The following VAMP7 variants were observed in gnomAD, a reference collection of about 807,000 sequenced individuals.
VAMP7 encodes the protein vesicle associated membrane protein 7, also known as vesicle-associated membrane protein 7.
A neutral mutation model predicts 29.6 loss-of-function variants in VAMP7; 14 were observed. That is an observed-to-expected ratio of 0.47 (90% CI 0.31 to 0.74). The LOEUF (loss-of-function observed/expected upper bound fraction) is 0.74, where lower values mean the gene tolerates loss of function less well. VAMP7 is among the 30% of genes least tolerant of loss of function. The pLI, the probability that VAMP7 is intolerant of heterozygous loss-of-function variation, is 0.05. For missense variants in VAMP7, 223 were observed against 262.4 expected (o/e 0.85, Z 1.04); for synonymous variants, 95 against 88.1 (o/e 1.08, Z -0.44).
chrX:155,895,802 GT>G, intron 3 of VAMP7, 122 bp downstream of exon 3: 2 of 702,368 alleles, frequency 2.8e-6, no homozygotes, highest in Non-Finnish European at 4.9e-6. Flanking sequence ...TCTGTGGCTT[GT>G]TAGGAACCAG....
rs568794541 is a variant in VAMP7 at position 155,936,674 on chromosome X, C to T, written c.502-3027C>T. ...GGTGAGGCGATGTCTCGCCCTGCTT[C>T]GGCTCACGCTCGGTGGGCTGCACCC... On this transcript the variant is annotated intron_variant, in intron 6 of 7. Coordinates refer to ENST00000286448, the MANE Select transcript of VAMP7 (RefSeq NM_005638.6). Among the ~76,000 whole-genome samples the T allele has an allele frequency of 4.5e-4, 69 of 152,292 alleles. 1 individual carries two copies. The highest frequency in any genetic ancestry group is 1.6e-3 in the African/African-American group (67 of 41,590).
chrX:155,933,340 T>C (rs1830043943), intron 6 of VAMP7, among the ~76,000 whole-genome samples: 1 of 152,304 alleles, frequency 6.6e-6, no homozygotes, highest in South Asian at 2.1e-4. Flanking sequence ...TCCTGGACTT[T>C]TTTTGGTTGG....
chrX:155,931,747 A>G (rs986305734), intron 6 of VAMP7, among the ~76,000 whole-genome samples: 2 of 152,044 alleles, frequency 1.3e-5, no homozygotes, highest in East Asian at 3.9e-4. Context: ...TTTTGTTTCC[A>G]TTGTTTTTGG....
At chrX:155,922,467 T>C (rs2066410288) in intron 6 of VAMP7, among the ~76,000 whole-genome samples, 1 of 152,084 alleles carries the variant, frequency 6.6e-6, no homozygotes. Context: ...TTTTTCTCCA[T>C]TTATTGAGAT....
intron 5 of VAMP7, among the ~76,000 whole-genome samples, chrX:155,907,899 G>A (rs1417977895): frequency 6.6e-5 from 10 of 152,160 alleles, no homozygotes; most frequent in Non-Finnish European, 1.0e-4. Context: ...GCCGGGCAGC[G>A]ACGCTCCTCA....
At chrX:155,907,430 G>A (rs894627219) in intron 5 of VAMP7, among the ~76,000 whole-genome samples, 9 of 151,966 alleles carry the variant, frequency 5.9e-5, no homozygotes, top group African/African-American at 2.2e-4. Context: ...GCCTTCCACA[G>A]TGTTTGTGTC....
At chrX:155,882,668 TCTTA>T (rs2065817539) in intron 1 of VAMP7, among the ~76,000 whole-genome samples, 3 of 152,216 alleles carry the variant, frequency 2.0e-5, no homozygotes, top group Non-Finnish European at 4.4e-5. Flanking sequence ...AACTGCTTTA[TCTTA>T]CTTAGAAAGA....
At chrX:155,920,556 T>G (rs1026995505) in intron 6 of VAMP7, among the ~76,000 whole-genome samples, 6 of 152,132 alleles carry the variant, frequency 3.9e-5, no homozygotes, top group Admixed American at 3.3e-4. Context: ...AAACAGTGAT[T>G]GATTATGTTC....
At chrX:155,934,546 TTGCTTGGTAGATCTTCC>T (rs1407098362) in intron 6 of VAMP7, among the ~76,000 whole-genome samples, 2 of 152,202 alleles carry the variant, frequency 1.3e-5, no homozygotes, top group Non-Finnish European at 2.9e-5. Flanking sequence ...TGTTTTCCAT[TTGCTTGGTAGATCTTCC>T]TGCATCCCTT....
chrX:155,883,222 A>G (rs909725084), intron 1 of VAMP7, among the ~76,000 whole-genome samples: 6 of 152,202 alleles, frequency 3.9e-5, no homozygotes, highest in Admixed American at 2.6e-4. Context: ...GATTTATACA[A>G]GGCCTTCTTT....
chrX:155,928,528 C>T (rs2066503106), intron 6 of VAMP7, among the ~76,000 whole-genome samples: 1 of 152,144 alleles, frequency 6.6e-6, no homozygotes, highest in Admixed American at 6.5e-5. Flanking sequence ...TAGTCTCTGC[C>T]TCCATGTTCA....
Position 155,894,895 on chromosome X carries a change from C to T in VAMP7, c.147-728C>T, listed in dbSNP as rs1001717343. 2.6e-5 allele frequency among the ~76,000 whole-genome samples: 4 copies of T among 152,116 alleles called. No homozygotes were observed. In the South Asian group the frequency reaches 8.3e-4, roughly 32 times the overall value. On this transcript the variant is annotated intron_variant, in intron 2 of 7. Transcript: ENST00000286448. ...CCTCCCAAAGTGCTAGGATTACAGG[C>T]ATGAGCCAGCCACCACGCCTGGCCT...
At chrX:155,909,810 T>C (rs1569442266) in intron 5 of VAMP7, among the ~76,000 whole-genome samples, 1 of 152,176 alleles carries the variant, frequency 6.6e-6, no homozygotes, top group Non-Finnish European at 1.5e-5. Context: ...TAGTGTCTTT[T>C]ATTTAATTGA....
At chrX:155,894,046 T>C (rs188104723) in intron 2 of VAMP7, among the ~76,000 whole-genome samples, 1 of 152,316 alleles carries the variant, frequency 6.6e-6, no homozygotes, top group East Asian at 1.9e-4. Flanking sequence ...TGAACATTAA[T>C]ATAATTCAAC....
At chrX:155,888,751 T>C (rs964100095) in intron 1 of VAMP7, among the ~76,000 whole-genome samples, 6 of 152,210 alleles carry the variant, frequency 3.9e-5, no homozygotes, top group African/African-American at 1.4e-4. Context: ...AATGCCTTTA[T>C]ACTGGCAGTG....
chrX:155,926,465 C>G (rs777724877), intron 6 of VAMP7, among the ~76,000 whole-genome samples: 1 of 152,196 alleles, frequency 6.6e-6, no homozygotes, highest in Non-Finnish European at 1.5e-5. Flanking sequence ...AACTTTTCTT[C>G]TGCACCTTCC....
chrX:155,891,372 T>C (rs184822193), intron 2 of VAMP7, among the ~76,000 whole-genome samples: 30 of 152,244 alleles, frequency 2.0e-4, no homozygotes, highest in African/African-American at 7.2e-4. Flanking sequence ...CAAAGACCTA[T>C]CTAGTCACTG....
Position 155,900,577 on chromosome X carries a change from C to G in VAMP7, c.423C>G (p.Val141=). 6.2e-7 allele frequency: 1 copy of G among 1,606,720 alleles called. No homozygotes were observed. Among genetic ancestry groups the G allele is most frequent in the Non-Finnish European group, 8.5e-7 (1 of 1,175,886 alleles). The change falls in exon 5 of 8, where the codon GTC becomes GTG. Residue 141 remains valine, a synonymous_variant. Coordinates refer to ENST00000286448, the MANE Select transcript of VAMP7 (RefSeq NM_005638.6). ...AQVDELKGIM[V]RNIDLVAQRG... ...TGGATGAACTGAAAGGAATCATGGTCAGAAACATAGGTATGTTTCATGGCA... is the reference window on the plus strand; with the variant it reads ...TGGATGAACTGAAAGGAATCATGGTGAGAAACATAGGTATGTTTCATGGCA...
chrX:155,919,912 A>T, intron 6 of VAMP7, 32 bp downstream of exon 6: 1 of 1,536,070 alleles, frequency 6.5e-7, no homozygotes, highest in Non-Finnish European at 9.0e-7. Context: ...ATGGAGTCTG[A>T]TGTAAAGTGG....
Sources: allele counts gnomAD v4.1 joint callset (sites outside exome capture counted in the v4.1 genomes callset), GRCh38; gene constraint gnomAD v4.1.1; transcripts MANE v1.5; gene names NCBI Gene and HGNC (gene_info 2026-07-23, HGNC 2026-07-21).